Variants in GABRB1 observed in about 807,000 individuals in gnomAD.
GABRB1 encodes gamma-aminobutyric acid receptor subunit beta-1.
Under a neutral mutation model 51.6 loss-of-function variants are expected in GABRB1, and 17 were observed. The ratio of observed to expected loss-of-function variants is 0.33; its 90% CI spans 0.23 to 0.49. GABRB1 has a LOEUF of 0.49. Ranked by LOEUF, GABRB1 falls within the 20% of genes least tolerant of loss-of-function variation. The pLI is 0.99. For missense variants in GABRB1, 410 were observed against 600.6 expected, an observed-to-expected ratio of 0.68 and a Z score of 3.32; for synonymous variants, 247 against 218.9, an observed-to-expected ratio of 1.13 and a Z score of -1.14.
chr4:47,117,048 C>A (rs997822682), intron 3 of GABRB1, among the ~76,000 whole-genome samples: 1 of 152,104 alleles, frequency 6.6e-6, no homozygotes, highest in African/African-American at 2.4e-5. Context: ...TCCTCCAACA[C>A]TGAAGATTAC....
At chr4:47,420,335 C>G (rs759991041) in intron 8 of GABRB1, among the ~76,000 whole-genome samples, 3 of 152,140 alleles carry the variant, frequency 2.0e-5, no homozygotes, top group Non-Finnish European at 4.4e-5. Context: ...ACATGTTCCT[C>G]CCTTAGATTG....
At chr4:47,127,675 A>T (rs191315110) in intron 3 of GABRB1, among the ~76,000 whole-genome samples, 8 of 151,378 alleles carry the variant, frequency 5.3e-5, no homozygotes, top group African/African-American at 1.7e-4. Flanking sequence ...CCTAGACTAA[A>T]CTCTTTTGTT....
chr4:47,145,828 A>G (rs555688564), intron 3 of GABRB1, among the ~76,000 whole-genome samples: 1 of 152,182 alleles, frequency 6.6e-6, no homozygotes, highest in Non-Finnish European at 1.5e-5. Flanking sequence ...TCATTCATAG[A>G]TAACTCTTTA....
intron 3 of GABRB1, among the ~76,000 whole-genome samples, chr4:47,122,329 T>C (rs988824464): frequency 2.0e-5 from 3 of 152,202 alleles, no homozygotes; most frequent in African/African-American, 7.2e-5. Flanking sequence ...TCATTTTTTG[T>C]AGAAAAAGTC....
At chr4:47,420,515 T>C (rs1316617283) in intron 8 of GABRB1, among the ~76,000 whole-genome samples, 1 of 152,202 alleles carries the variant, frequency 6.6e-6, no homozygotes, top group East Asian at 1.9e-4. Flanking sequence ...TTGCCTCACT[T>C]CCTTCTGCCT....
intron 4 of GABRB1, among the ~76,000 whole-genome samples, chr4:47,276,614 G>A (rs556549117): frequency 6.6e-6 from 1 of 152,126 alleles, no homozygotes; most frequent in Non-Finnish European, 1.5e-5. Flanking sequence ...TCATTTTACA[G>A]ATCAAAAAAC....
chr4:47,069,259 A>G (rs1727211974), intron 3 of GABRB1, among the ~76,000 whole-genome samples: 1 of 152,168 alleles, frequency 6.6e-6, no homozygotes. Flanking sequence ...ACTACAGATA[A>G]CTGATTATAT....
At chr4:47,255,283 T>C (rs1423110607) in intron 4 of GABRB1, among the ~76,000 whole-genome samples, 1 of 152,252 alleles carries the variant, frequency 6.6e-6, no homozygotes, top group Non-Finnish European at 1.5e-5. Flanking sequence ...TTATTCATCA[T>C]TGTCTGGCAA....
Position 47,128,745 on chromosome 4 carries a change from C to T in GABRB1, c.241-32504C>T, listed in dbSNP as rs191620363. ...AAGGTGGGACAAAGACCTTTATTTTCAGAGGGAGTAAATGAGTAGGTTTTT... is the reference window on the plus strand; with the variant it reads ...AAGGTGGGACAAAGACCTTTATTTTTAGAGGGAGTAAATGAGTAGGTTTTT... On this transcript the variant is annotated intron_variant, in intron 3 of 8. Coordinates refer to ENST00000295454, the MANE Select transcript of GABRB1 (RefSeq NM_000812.4). 3.4e-3 allele frequency among the ~76,000 whole-genome samples: 521 copies of T among 151,974 alleles called. 3 individuals are homozygous for T. Among genetic ancestry groups the T allele is most frequent in the Non-Finnish European group, 5.8e-3 (393 of 67,862 alleles).
intron 3 of GABRB1, among the ~76,000 whole-genome samples, chr4:47,131,028 T>C (rs1457656992): frequency 6.6e-6 from 1 of 152,160 alleles, no homozygotes; most frequent in Non-Finnish European, 1.5e-5. Flanking sequence ...CATCTCTAAA[T>C]ATAACACACT....
intron 3 of GABRB1, among the ~76,000 whole-genome samples, chr4:47,057,929 G>A (rs1219875499): frequency 1.3e-5 from 2 of 152,162 alleles, no homozygotes; most frequent in Admixed American, 1.3e-4. Context: ...TCCTGATAGG[G>A]AATGACTTTA....
At chr4:47,328,780 G>A (rs970764986) in intron 5 of GABRB1, among the ~76,000 whole-genome samples, 4 of 151,976 alleles carry the variant, frequency 2.6e-5, no homozygotes, top group African/African-American at 9.7e-5. Flanking sequence ...GGAGGGGGGA[G>A]CGGGGAGGGA....
chr4:47,132,210 T>C (rs746941405), intron 3 of GABRB1, among the ~76,000 whole-genome samples: 23 of 152,334 alleles, frequency 1.5e-4, no homozygotes, highest in Middle Eastern at 3.4e-3. Flanking sequence ...TTCATTTTCT[T>C]GTTGAAAATA....
intron 4 of GABRB1, among the ~76,000 whole-genome samples, chr4:47,286,328 T>C (rs938180291): frequency 6.6e-6 from 1 of 152,204 alleles, no homozygotes; most frequent in African/African-American, 2.4e-5. Context: ...TCATTGGGAG[T>C]TTATCATACA....
intron 5 of GABRB1, among the ~76,000 whole-genome samples, chr4:47,323,648 A>G (rs1725158697): frequency 6.6e-6 from 1 of 152,220 alleles, no homozygotes; most frequent in African/African-American, 2.4e-5. Context: ...AACCAATCGT[A>G]CGTTTGTGAC....
chr4:47,321,508 A>G (rs1420435023), intron 5 of GABRB1, among the ~76,000 whole-genome samples: 2 of 152,226 alleles, frequency 1.3e-5, no homozygotes, highest in Non-Finnish European at 2.9e-5. Flanking sequence ...TAAAGAAGTT[A>G]TTAAGTATTG....
chr4:47,333,279 T>C (rs1725569381), intron 5 of GABRB1, among the ~76,000 whole-genome samples: 1 of 148,418 alleles, frequency 6.7e-6, no homozygotes, highest in South Asian at 2.1e-4. Flanking sequence ...AACATTAATT[T>C]GAATAATGAT....
At chr4:47,244,477 C>A (rs1185132637) in intron 4 of GABRB1, among the ~76,000 whole-genome samples, 2 of 152,110 alleles carry the variant, frequency 1.3e-5, no homozygotes, top group Non-Finnish European at 2.9e-5. Flanking sequence ...CCTCTTTGTA[C>A]CTCTGGTAGA....
intron 4 of GABRB1, among the ~76,000 whole-genome samples, chr4:47,235,430 T>G (rs1721291997): frequency 6.6e-6 from 1 of 152,116 alleles, no homozygotes; most frequent in South Asian, 2.1e-4. Context: ...ATGCCTGTAA[T>G]TCCAGCTACT....
Sources: gnomAD v4.1 joint callset for allele counts (sites outside exome capture counted in the v4.1 genomes callset) on GRCh38, gnomAD v4.1.1 for gene constraint, MANE v1.5 for transcripts, NCBI Gene and HGNC (gene_info 2026-07-23, HGNC 2026-07-21) for gene names.